The following PTPRS variants were observed in gnomAD, a reference collection of about 807,000 sequenced individuals.
PTPRS encodes the protein protein tyrosine phosphatase receptor type S.
In PTPRS, 63 loss-of-function variants were observed where a neutral mutation model predicts 215.3. That is an observed-to-expected ratio of 0.29 (90% CI 0.24 to 0.36). PTPRS has a LOEUF of 0.36. Ranked by LOEUF, PTPRS falls within the 10% of genes least tolerant of loss-of-function variation. The pLI is 1.00. For missense variants in PTPRS, 2,258 were observed against 2,825.8 expected (o/e 0.80, Z 4.56); for synonymous variants, 1,404 against 1,191.4 (o/e 1.18, Z -3.68).
intron 35 of PTPRS, among the ~76,000 whole-genome samples, chr19:5,208,616 G>A (rs374763527): frequency 6.6e-6 from 1 of 151,962 alleles, no homozygotes; most frequent in East Asian, 1.9e-4. Flanking sequence ...CCGATTAGCT[G>A]GGATTACAGG....
intron 1 of PTPRS, among the ~76,000 whole-genome samples, chr19:5,320,176 G>T (rs1347185373): frequency 6.6e-6 from 1 of 152,204 alleles, no homozygotes; most frequent in Non-Finnish European, 1.5e-5. Flanking sequence ...GGCAAGCCAG[G>T]CCCCTGCCCT....
At chr19:5,322,871 C>T (rs1600123071) in intron 1 of PTPRS, among the ~76,000 whole-genome samples, 1 of 103,018 alleles carries the variant, frequency 9.7e-6, no homozygotes, top group African/African-American at 3.9e-5. Flanking sequence ...AAGAGCAAAA[C>T]TCCGTCTCAA....
chr19:5,240,369 G>A (rs1276452544), intron 11 of PTPRS, 37 bp from the exon 12 acceptor site: 2 of 1,546,658 alleles, frequency 1.3e-6, no homozygotes, highest in Non-Finnish European at 1.7e-6. Context: ...GAGTCGGGGA[G>A]CGTCCACCCC....
intron 2 of PTPRS, among the ~76,000 whole-genome samples, chr19:5,283,434 G>A (rs2048044215): frequency 6.6e-6 from 1 of 152,102 alleles, no homozygotes; most frequent in Non-Finnish European, 1.5e-5. Context: ...AAAATTAGCA[G>A]GGCATGGTGG....
chr19:5,223,127 G>C lies in PTPRS; in HGVS notation c.2665C>G (p.Arg889Gly), dbSNP rs148744813. 100 of 1,569,058 alleles carry C rather than the reference G, an allele frequency of 6.4e-5. No homozygotes were observed. The African/African-American group carries it at 1.2e-3, about 18-fold the overall frequency. Reference protein sequence around the residue: ...ATLEFPPSEDRYTASGVHKGA... With the variant: ...ATLEFPPSEDGYTASGVHKGA... ...TTGTGCACGCCTGATGCCGTGTAGCGGTCCTCGGAGGGCGGGAACTCCAGG... is the reference window on the plus strand; with the variant it reads ...TTGTGCACGCCTGATGCCGTGTAGCCGTCCTCGGAGGGCGGGAACTCCAGG... The change falls in exon 18 of 38, where the codon CGC becomes GGC. Residue 889 changes from arginine (R) to glycine (G), a missense_variant. Physicochemically the swap from Arg to Gly is moderately radical, Grantham distance 125 (BLOSUM62 -2). Coordinates refer to ENST00000262963, the MANE Select transcript of PTPRS (RefSeq NM_002850.4).
At position 5,260,795 on chromosome 19, in the gene PTPRS, A is replaced by G. The variant is rs746904629; in HGVS notation, c.595+10T>C. ...AGCGTGAGTGGGTGGGTGAGTGAGG[A>G]GCCTCTTACCTCGAATCGGAGTGCT... On this transcript the variant is annotated intron_variant, in intron 7 of 37. Coordinates refer to ENST00000262963, the MANE Select transcript of PTPRS (RefSeq NM_002850.4). The G allele has an allele frequency of 1.2e-6, 2 of 1,613,690 alleles. No individual in the cohort carries two copies. Among genetic ancestry groups the G allele is most frequent in the East Asian group, 2.2e-5 (1 of 44,854 alleles).
At chr19:5,317,860 AC>A (rs1041602901) in intron 1 of PTPRS, among the ~76,000 whole-genome samples, 5 of 151,880 alleles carry the variant, frequency 3.3e-5, no homozygotes, top group African/African-American at 9.7e-5. Context: ...ACATGGTGAA[AC>A]CCCGTCTCCA....
chr19:5,306,653 T>G (rs1289253953), intron 1 of PTPRS, among the ~76,000 whole-genome samples: 1 of 152,052 alleles, frequency 6.6e-6, no homozygotes, highest in East Asian at 1.9e-4. Context: ...CCTCACCCAA[T>G]GCCATGGTGA....
At chr19:5,224,983 T>G (rs1306620281) in intron 17 of PTPRS, among the ~76,000 whole-genome samples, 1 of 152,064 alleles carries the variant, frequency 6.6e-6, no homozygotes, top group Non-Finnish European at 1.5e-5. Flanking sequence ...CCCGAGCTTG[T>G]TCCGCCCACC....
Position 5,214,747 on chromosome 19 carries a change from G to A in PTPRS, c.4319-11C>T. On this transcript the variant is annotated splice_polypyrimidine_tract_variant and intron_variant, in intron 28 of 37. Coordinates refer to ENST00000262963, the MANE Select transcript of PTPRS (RefSeq NM_002850.4). ...CACTGCCCATGATGCCTGCAGCCAG[G>A]GCGAGAGGCCAGGGATCTGTGGGGG... 1.3e-6 allele frequency: 2 copies of A among 1,592,242 alleles called. No individual in the cohort carries two copies. The highest frequency in any genetic ancestry group is 1.7e-5 in the Admixed American group (1 of 59,490).
intron 4 of PTPRS, among the ~76,000 whole-genome samples, chr19:5,270,832 T>G (rs960927252): frequency 1.3e-5 from 2 of 151,936 alleles, no homozygotes; most frequent in Non-Finnish European, 2.9e-5. Flanking sequence ...TTTAGTAGAT[T>G]TGGGGTTTCA....
intron 9 of PTPRS, among the ~76,000 whole-genome samples, chr19:5,253,664 C>T (rs762802242): frequency 3.3e-5 from 5 of 152,066 alleles, no homozygotes; most frequent in Non-Finnish European, 7.4e-5. Context: ...AAAGCACTAG[C>T]GAAAAATGAG....
chr19:5,274,533 T>C (rs944276365), intron 2 of PTPRS, among the ~76,000 whole-genome samples, 189 bp from the exon 3 acceptor site: 3 of 151,838 alleles, frequency 2.0e-5, no homozygotes, highest in Admixed American at 6.6e-5. Flanking sequence ...ACGGCACCCA[T>C]GGGCACCCAG....
At chr19:5,285,192 C>T (rs1249377582) in intron 2 of PTPRS, among the ~76,000 whole-genome samples, 1 of 152,184 alleles carries the variant, frequency 6.6e-6, no homozygotes, top group Non-Finnish European at 1.5e-5. Context: ...GGCTGAGCCA[C>T]TAGCCCGGGG....
At chr19:5,217,383 C>A (rs1341651727) in intron 25 of PTPRS, among the ~76,000 whole-genome samples, 1 of 151,992 alleles carries the variant, frequency 6.6e-6, no homozygotes, top group Non-Finnish European at 1.5e-5. Flanking sequence ...CAAAGCAACA[C>A]GAATCAGTAC....
Position 5,220,324 on chromosome 19 carries a change from C to A in PTPRS, c.3485G>T (p.Arg1162Leu), listed in dbSNP as rs746829913. 3.7e-6 allele frequency: 6 copies of A among 1,613,844 alleles called. No homozygotes were observed. Among genetic ancestry groups the A allele is most frequent in the Non-Finnish European group, 5.1e-6 (6 of 1,179,912 alleles). The part of the protein sequence containing the change: ...QSYFIVMVPL[R>L]KSRGGQFLTP... ...CAGGAATTGGCCTCCACGAGACTTG[C>A]GCAGTGGCACCATCACAATGAAATA... The change falls in exon 21 of 38, where the codon CGC (arginine) becomes CTC (leucine). Residue 1162 changes from arginine to leucine, a missense_variant. Coordinates refer to ENST00000262963, the MANE Select transcript of PTPRS (RefSeq NM_002850.4).
chr19:5,213,214 A>AC (rs991745775), intron 30 of PTPRS, among the ~76,000 whole-genome samples: 1 of 151,812 alleles, frequency 6.6e-6, no homozygotes, highest in African/African-American at 2.4e-5. Context: ...CTTGGCTCCC[A>AC]CCCAAGCCCC....
At chr19:5,331,128 T>TAAA (rs1041351468) in intron 1 of PTPRS, among the ~76,000 whole-genome samples, 25,784 of 99,380 alleles carry the variant, frequency 0.26, 3,324 homozygotes, top group African/African-American at 0.3. Context: ...CTTCTTTTTT[T>TAAA]AAAAAAAAAA....
intron 1 of PTPRS, among the ~76,000 whole-genome samples, chr19:5,313,794 G>A (rs1044218401): frequency 1.3e-5 from 2 of 152,040 alleles, no homozygotes; most frequent in Admixed American, 6.6e-5. Flanking sequence ...CCTGCAACGT[G>A]GTTCTAAGAC....
Sources: gnomAD v4.1 joint callset for allele counts (sites outside exome capture counted in the v4.1 genomes callset) on GRCh38, gnomAD v4.1.1 for gene constraint, MANE v1.5 for transcripts, NCBI Gene and HGNC (gene_info 2026-07-23, HGNC 2026-07-21) for gene names.